PATJ: variants seen among roughly 807,000 people sequenced by gnomAD.
PATJ encodes inaD-like protein.
In PATJ, 190 loss-of-function variants were observed where a neutral mutation model predicts 224.9. The ratio of observed to expected loss-of-function variants is 0.84; its 90% CI spans 0.75 to 0.95. PATJ has a LOEUF of 0.95. Ranked by LOEUF, PATJ falls within the 40% of genes least tolerant of loss-of-function variation. The pLI is 0.00. For synonymous variants in PATJ, 769 were observed against 820.3 expected (o/e 0.94, Z 1.07); for missense variants, 2,121 against 2,270.3 (o/e 0.93, Z 1.34).
At chr1:61,828,474 C>A (rs1055669893) in intron 16 of PATJ, among the ~76,000 whole-genome samples, 1 of 151,210 alleles carries the variant, frequency 6.6e-6, no homozygotes, top group African/African-American at 2.4e-5. Flanking sequence ...ACTGTAGCCT[C>A]GACCTTCTGG....
rs55761910 is a variant in PATJ, at chr1:62,036,871, C to CAAAA, written c.3960-1099_3960-1096dup. On this transcript the variant is annotated intron_variant, in intron 29 of 43. Coordinates refer to ENST00000642238, the MANE Select transcript of PATJ (RefSeq NM_001350145.3). Reference sequence around the variant, plus strand: ...TTGGTGACAAAGTGAGACTCCATCTCAAAAAAAAAAGAAGGAAGAAAGGAA... The same window carrying CAAAA: ...TTGGTGACAAAGTGAGACTCCATCTCAAAAAAAAAAAAAAGAAGGAAGAAAGGAA... 4.5e-5 allele frequency among the ~76,000 whole-genome samples: 3 copies of CAAAA among 67,340 alleles called. 1 individual carries two copies. The highest frequency in any genetic ancestry group is 8.1e-5 in the Non-Finnish European group (3 of 36,836). 44.2% of individuals were successfully genotyped at this position (67,340 alleles called of 152,430 possible).
intron 14 of PATJ, among the ~76,000 whole-genome samples, chr1:61,812,375 A>AAT (rs200125771): frequency 8.3e-5 from 11 of 132,816 alleles, no homozygotes; most frequent in African/African-American, 3.7e-4. Context: ...AGAGAGAGAG[A>AAT]GAGAGAGAGA....
chr1:62,144,777 A>ATATATAT (rs1553280094), intron 41 of PATJ, among the ~76,000 whole-genome samples: 1,224 of 119,060 alleles, frequency 0.01, 23 homozygotes, highest in African/African-American at 0.024. Flanking sequence ...AAAAAAAAAA[A>ATATATAT]ATATATATAT....
At position 62,102,178 on chromosome 1, in the gene PATJ, CAAAT is replaced by C. The variant is rs112794744; in HGVS notation, c.4378-6227_4378-6224del. 5.7e-4 allele frequency among the ~76,000 whole-genome samples: 86 copies of C among 150,138 alleles called. 1 individual carries two copies. The highest frequency in any genetic ancestry group is 8.6e-4 in the African/African-American group (35 of 40,648). On this transcript the variant is annotated intron_variant, in intron 33 of 43. Coordinates refer to ENST00000642238, the MANE Select transcript of PATJ (RefSeq NM_001350145.3). ...TGGACAACAAAGCGAGACCCTGTCT[CAAAT>C]AAATAAATAAATAAATAAATAAATA... is the stretch of plus-strand genomic sequence containing the variant.
intron 27 of PATJ, among the ~76,000 whole-genome samples, chr1:61,967,117 G>T (rs12725290): frequency 6.6e-6 from 1 of 151,992 alleles, no homozygotes; most frequent in Non-Finnish European, 1.5e-5. Flanking sequence ...AGTTGCTCTG[G>T]TTCAAACACC....
At chr1:61,777,687 TTTTCTTTC>T (rs1240642458) in intron 7 of PATJ, among the ~76,000 whole-genome samples, 3 of 112,272 alleles carry the variant, frequency 2.7e-5, no homozygotes, top group South Asian at 6.3e-4. Context: ...TTTCTTCCTT[TTTTCTTTC>T]TTTCTTTCTT....
intron 31 of PATJ, chr1:62,073,124 C>T: frequency 3.0e-6 from 3 of 985,368 alleles, no homozygotes; most frequent in Non-Finnish European, 3.6e-6. Flanking sequence ...AGGTTTTGCT[C>T]TTCTGGGGTT....
rs554728600 is a variant in PATJ at position 62,091,726 on chromosome 1, C to T, written c.4377+7078C>T. Among the ~76,000 whole-genome samples the T allele has an allele frequency of 4.0e-5, 6 of 150,664 alleles. No homozygotes were observed. The South Asian group carries it at 1.3e-3, about 32-fold the overall frequency. On this transcript the variant is annotated intron_variant, in intron 33 of 43. Coordinates refer to ENST00000642238, the MANE Select transcript of PATJ (RefSeq NM_001350145.3). Reference sequence around the variant, plus strand: ...GAGCCTAGGAGTTTGAGACCAGCCTCGGCAACATAGTGAGACCCCATCTCT... The same window carrying T: ...GAGCCTAGGAGTTTGAGACCAGCCTTGGCAACATAGTGAGACCCCATCTCT...
chr1:61,985,423 T>C lies in PATJ; in HGVS notation c.3671-4745T>C, dbSNP rs1644698466. ...TTTTGAGGGTATTTTAAGCCACTGA[T>C]AGGGGTCTTTTTTAAATTGTGGTAA... On this transcript the variant is annotated intron_variant, in intron 27 of 43. Coordinates refer to ENST00000642238, the MANE Select transcript of PATJ (RefSeq NM_001350145.3). Among the ~76,000 whole-genome samples the C allele has an allele frequency of 2.0e-5, 3 of 152,098 alleles. No homozygotes were observed. In the South Asian group the frequency reaches 6.2e-4, roughly 31 times the overall value.
At chr1:62,032,873 G>T (rs1195585962) in intron 29 of PATJ, among the ~76,000 whole-genome samples, 1 of 152,152 alleles carries the variant, frequency 6.6e-6, no homozygotes, top group African/African-American at 2.4e-5. Context: ...GGCGCAAGGG[G>T]AAGCAAAGCA....
chr1:61,974,221 C>T (rs527955283), intron 27 of PATJ, among the ~76,000 whole-genome samples: 9 of 151,870 alleles, frequency 5.9e-5, no homozygotes, highest in South Asian at 2.1e-4. Context: ...TGAGCATGGG[C>T]GCCTATGTGA....
chr1:61,867,328 C>T (rs1665581104), intron 20 of PATJ, among the ~76,000 whole-genome samples: 1 of 152,214 alleles, frequency 6.6e-6, no homozygotes, highest in African/African-American at 2.4e-5. Context: ...ATTCTGATTA[C>T]TAAATCTATG....
At position 61,960,650 on chromosome 1, in the gene PATJ, C is replaced by T. The variant is rs374119224; in HGVS notation, c.3671-29518C>T. ...TGTACTCCAGCCTGGGCAACAAAAG[C>T]GAAACTCCATCTCAAAAAAAAAAAA... On this transcript the variant is annotated intron_variant, in intron 27 of 43. Coordinates refer to ENST00000642238, the MANE Select transcript of PATJ (RefSeq NM_001350145.3). Among the ~76,000 whole-genome samples, 8 of 145,684 alleles carry T rather than the reference C, an allele frequency of 5.5e-5. No homozygotes were observed. In the East Asian group the frequency reaches 1.2e-3, roughly 22 times the overall value.
Position 61,959,389 on chromosome 1 carries a change from C to T in PATJ, c.3671-30779C>T, listed in dbSNP as rs560080912. ...ACAACTTCTATTTCTATAAAGAGCTCTCCCACTGCCTATATATATATTATA... is the reference window on the plus strand; with the variant it reads ...ACAACTTCTATTTCTATAAAGAGCTTTCCCACTGCCTATATATATATTATA... On this transcript the variant is annotated intron_variant, in intron 27 of 43. Coordinates refer to ENST00000642238, the MANE Select transcript of PATJ (RefSeq NM_001350145.3). 1.1e-4 allele frequency among the ~76,000 whole-genome samples: 16 copies of T among 146,708 alleles called. No individual in the cohort carries two copies. In the East Asian group the frequency reaches 2.0e-3, roughly 18 times the overall value.
At chr1:61,820,847 C>T (rs549621316) in intron 14 of PATJ, among the ~76,000 whole-genome samples, 1 of 152,118 alleles carries the variant, frequency 6.6e-6, no homozygotes, top group Non-Finnish European at 1.5e-5. Context: ...AGACAGTTGG[C>T]AGAGATGAGT....
intron 41 of PATJ, among the ~76,000 whole-genome samples, chr1:62,147,588 CAGG>C (rs1272181494): frequency 6.6e-6 from 1 of 152,088 alleles, no homozygotes; most frequent in African/African-American, 2.4e-5. Context: ...CACCTGAGGT[CAGG>C]AGTTCAAGAC....
At chr1:61,959,281 A>G (rs1338177407) in intron 27 of PATJ, among the ~76,000 whole-genome samples, 4 of 151,866 alleles carry the variant, frequency 2.6e-5, no homozygotes, top group Non-Finnish European at 5.9e-5. Context: ...TATGTATAAC[A>G]TCTTATCTCC....
At chr1:61,943,643 A>G (rs994408540) in intron 27 of PATJ, among the ~76,000 whole-genome samples, 1 of 151,842 alleles carries the variant, frequency 6.6e-6, no homozygotes, top group East Asian at 1.9e-4. Flanking sequence ...GCCTCTGTAG[A>G]CTCCACCTCT....
intron 33 of PATJ, among the ~76,000 whole-genome samples, chr1:62,099,347 CTTTTTTTTTTTTT>C (rs71050197): frequency 2.5e-4 from 14 of 55,680 alleles, no homozygotes; most frequent in Admixed American, 8.3e-4. Context: ...ATATCTCCAA[CTTTTTTTTTTTTT>C]TTTTTTTTTT....
Sources: gnomAD v4.1 joint callset for allele counts (sites outside exome capture counted in the v4.1 genomes callset) on GRCh38, gnomAD v4.1.1 for gene constraint, MANE v1.5 for transcripts, NCBI Gene and HGNC (gene_info 2026-07-23, HGNC 2026-07-21) for gene names.